The following NUP50 variants were observed in gnomAD, a reference collection of about 807,000 sequenced individuals.
NUP50 encodes nucleoporin 50.
A neutral mutation model predicts 36.8 loss-of-function variants in NUP50; 14 were observed. The observed-to-expected ratio is 0.38, with a 90% confidence interval of 0.25 to 0.59. NUP50 has a LOEUF of 0.59. Ranked by LOEUF, NUP50 falls within the 20% of genes least tolerant of loss-of-function variation. The probability of loss-of-function intolerance (pLI) is 0.63; values close to 1 mark genes in which losing one functional copy is unlikely to be tolerated. For synonymous variants in NUP50, 195 were observed against 210.8 expected (o/e 0.93, Z 0.65); for missense variants, 455 against 564.6 (o/e 0.81, Z 1.97).
At chr22:45,181,932 T>C (rs771051866) in intron 6 of NUP50, among the ~76,000 whole-genome samples, 6 of 152,226 alleles carry the variant, frequency 3.9e-5, no homozygotes, top group African/African-American at 4.8e-5. Flanking sequence ...TCTGTGCCAT[T>C]TCAGAAGCTT....
intron 4 of NUP50, 83 bp from the exon 5 acceptor site, chr22:45,178,155 G>T (rs2074305914): frequency 8.0e-7 from 1 of 1,242,500 alleles, no homozygotes. Flanking sequence ...AAAGCAGAAA[G>T]TATGAAGGCA....
At chr22:45,179,458 CCCAGACAAGGCACAAGGTCTGGGCCCT>C (rs2074331969) in intron 5 of NUP50, 2 of 153,052 alleles carry the variant, frequency 1.3e-5, no homozygotes, top group South Asian at 4.1e-4. Context: ...TCGTCAGTGC[CCCAGACAAGGCACAAGGTCTGGGCCCT>C]CCAGACCTCT....
rs1034352044 is a variant in NUP50, at chr22:45,168,384, T to A, written c.69+138T>A. On this transcript the variant is annotated intron_variant, in intron 2 of 7. Transcript: ENST00000347635. ...ATGAATGGGAGATGACAAGAAATTA[T>A]ATGACCTGTACTTAGTGTAGATATT... The A allele has an allele frequency of 5.7e-5, 36 of 634,132 alleles. No individual in the cohort carries two copies. The Admixed American group carries it at 1.1e-3, about 20-fold the overall frequency. The allele number at this position is 634,132 out of a possible 1,614,324, so 39.3% of individuals were successfully genotyped here.
Position 45,185,791 on chromosome 22 carries a change from GTAAC to G in NUP50, c.*1141_*1144del, listed in dbSNP as rs771782216. The G allele has an allele frequency of 1.3e-4, 20 of 152,164 alleles. No individual in the cohort carries two copies. The highest frequency in any genetic ancestry group is 3.1e-4 in the African/African-American group (13 of 41,418). The allele number at this position is 152,164 out of a possible 1,614,324, so 9.4% of individuals were successfully genotyped here. A position where few individuals can be genotyped will look rare whatever the true frequency, so the allele number is the denominator to read the frequency against. On this transcript the variant is annotated 3_prime_UTR_variant, in exon 8 of 8. Coordinates refer to ENST00000347635, the MANE Select transcript of NUP50 (RefSeq NM_007172.4). Reference sequence around the variant, plus strand: ...CCTGTCACTTCTCCAGAGGTGTCAGGTAACTAACACGAGCATTCTTTGAAGACTC... The same window carrying G: ...CCTGTCACTTCTCCAGAGGTGTCAGGTAACACGAGCATTCTTTGAAGACTC...
intron 5 of NUP50, 35 bp from the exon 6 acceptor site, chr22:45,181,251 G>T: frequency 6.8e-7 from 1 of 1,467,930 alleles, no homozygotes; most frequent in Non-Finnish European, 9.3e-7. Context: ...GCTCTGGATT[G>T]GAATCTTACT....
chr22:45,177,347 A>G (rs543572053), intron 4 of NUP50, among the ~76,000 whole-genome samples: 1 of 152,100 alleles, frequency 6.6e-6, no homozygotes, highest in East Asian at 1.9e-4. Flanking sequence ...CACTCAGCTA[A>G]TTTTTACATT....
intron 2 of NUP50, among the ~76,000 whole-genome samples, chr22:45,169,663 C>A (rs1484444474): frequency 1.3e-5 from 2 of 152,186 alleles, no homozygotes; most frequent in Admixed American, 6.5e-5. Context: ...TGAGAAGTGA[C>A]CTAGAAGGCA....
rs2074452618 is a variant in NUP50 at position 45,185,298 on chromosome 22, CT to C, written c.*645del. On this transcript the variant is annotated 3_prime_UTR_variant, in exon 8 of 8. Transcript: ENST00000347635. ...TTTCATTCTAAAAAGAAATGAACAG[CT>C]TGTGAAGGAGTTTTTTGGCTTCATA... The C allele has an allele frequency of 6.5e-6, 1 of 152,834 alleles. No individual in the cohort carries two copies. The highest frequency in any genetic ancestry group is 2.1e-4 in the South Asian group (1 of 4,850). The allele number at this position is 152,834 out of a possible 1,614,324, so 9.5% of individuals were successfully genotyped here. A position where few individuals can be genotyped will look rare whatever the true frequency, so the allele number is the denominator to read the frequency against.
At chr22:45,183,569 A>G in intron 7 of NUP50, 49 bp downstream of exon 7, 1 of 1,174,276 alleles carries the variant, frequency 8.5e-7, no homozygotes, top group East Asian at 2.3e-5. Context: ...CATAGTATAT[A>G]AAAGCGTTTA....
Position 45,186,929 on chromosome 22 carries a change from A to C in NUP50, c.*2274A>C, listed in dbSNP as rs2083453734. ...TTTACTTGGGGCACGGGGCCCCTGG[A>C]GGGCTTCCCTACTTTCCCCACTATG... On this transcript the variant is annotated 3_prime_UTR_variant, in exon 8 of 8. Transcript: ENST00000347635. 1.3e-5 allele frequency: 2 copies of C among 152,246 alleles called. No individual in the cohort carries two copies. The highest frequency in any genetic ancestry group is 2.9e-5 in the Non-Finnish European group (2 of 68,042). The allele number at this position is 152,246 out of a possible 1,614,324, so 9.4% of individuals were successfully genotyped here.
intron 2 of NUP50, 70 bp downstream of exon 2, chr22:45,168,316 A>G: frequency 1.6e-6 from 2 of 1,236,858 alleles, no homozygotes; most frequent in Non-Finnish European, 1.2e-6. Context: ...GGGGTTCCTC[A>G]TGAAGACTTG....
intron 2 of NUP50, among the ~76,000 whole-genome samples, chr22:45,168,541 A>G (rs1034409421): frequency 5.3e-5 from 8 of 152,196 alleles, no homozygotes; most frequent in Admixed American, 2.0e-4. Flanking sequence ...AGTTTCGTAT[A>G]CTTGAAGCAT....
chr22:45,170,039 G>T (rs1466287890), intron 2 of NUP50, among the ~76,000 whole-genome samples: 3 of 152,162 alleles, frequency 2.0e-5, no homozygotes, highest in Admixed American at 2.0e-4. Flanking sequence ...TCTGATAAGT[G>T]CATAGAAGAA....
intron 3 of NUP50, among the ~76,000 whole-genome samples, chr22:45,173,820 G>A (rs552966302): frequency 6.6e-6 from 1 of 152,200 alleles, no homozygotes; most frequent in Admixed American, 6.5e-5. Flanking sequence ...GGAAGGAGAG[G>A]GCAGGAGCCC....
At chr22:45,178,968 C>A (rs2074323279) in intron 5 of NUP50, 68 bp downstream of exon 5, 1 of 1,449,298 alleles carries the variant, frequency 6.9e-7, no homozygotes. Context: ...AACCCAGAGA[C>A]TTTGATTCCA....
chr22:45,176,939 A>G (rs185626465), intron 4 of NUP50, among the ~76,000 whole-genome samples: 14 of 152,078 alleles, frequency 9.2e-5, no homozygotes, highest in African/African-American at 3.1e-4. Context: ...ACGGGGTTTC[A>G]CCATGTTGGC....
intron 3 of NUP50, 178 bp from the exon 4 acceptor site, chr22:45,175,716 T>G (rs2074265763): frequency 5.4e-6 from 3 of 551,748 alleles, no homozygotes; most frequent in Non-Finnish European, 9.6e-6. Context: ...AAAGCTGTTC[T>G]TATGAATACA....
At chr22:45,177,916 CAGG>C (rs758107073) in intron 4 of NUP50, 31 of 278,442 alleles carry the variant, frequency 1.1e-4, no homozygotes, top group Non-Finnish European at 1.7e-4. Flanking sequence ...ATCATGAGGT[CAGG>C]AGTTCAAGAC....
intron 6 of NUP50, 72 bp downstream of exon 6, chr22:45,181,439 C>T (rs1037135943): frequency 7.4e-5 from 66 of 896,482 alleles, no homozygotes; most frequent in Admixed American, 2.4e-4. Flanking sequence ...TGGAGAATGT[C>T]CTCACGGCAC....
Sources: allele counts gnomAD v4.1 joint callset (sites outside exome capture counted in the v4.1 genomes callset), GRCh38; gene constraint gnomAD v4.1.1; transcripts MANE v1.5; gene names NCBI Gene and HGNC (gene_info 2026-07-23, HGNC 2026-07-21).